MGAM: variants seen among roughly 807,000 people sequenced by gnomAD.
The protein encoded by MGAM is alpha-1,4-glucosidase.
Under a neutral mutation model 358.8 loss-of-function variants are expected in MGAM, and 253 were observed. That is an observed-to-expected ratio of 0.71 (90% CI 0.64 to 0.78). The LOEUF (loss-of-function observed/expected upper bound fraction) is 0.78. Among genes scored for constraint, MGAM ranks in the 30% least tolerant of loss-of-function variants. The probability of loss-of-function intolerance (pLI) is 0.00; values close to 1 mark genes in which losing one functional copy is unlikely to be tolerated. For missense variants in MGAM, 3,080 were observed against 3,432.6 expected (o/e 0.90, Z 2.57); for synonymous variants, 1,105 against 1,227.1 (o/e 0.90, Z 2.08).
chr7:142,102,788 C>A, intron 69 of MGAM, 109 bp downstream of exon 69: 1 of 1,081,868 alleles, frequency 9.2e-7, no homozygotes, highest in African/African-American at 1.6e-5. Context: ...GCTCATCTTG[C>A]TAATTCACAT....
upstream of MGAM, chr7:141,995,871 C>T (rs1440184384): frequency 1.3e-5 from 2 of 152,172 alleles, no homozygotes; most frequent in Admixed American, 1.3e-4. Context: ...CTGTGCTCCT[C>T]TGCTTTTATT....
intron 17 of MGAM, 45 bp downstream of exon 17, chr7:142,036,330 TA>T: frequency 7.1e-7 from 1 of 1,405,560 alleles, no homozygotes; most frequent in African/African-American, 1.4e-5. Flanking sequence ...TGGCATACAT[TA>T]GGACTAGATC....
chr7:142,057,394 G>A (rs1407932838), intron 30 of MGAM, among the ~76,000 whole-genome samples: 2 of 151,358 alleles, frequency 1.3e-5, no homozygotes, highest in East Asian at 1.9e-4. Context: ...TGACGATGGT[G>A]TTTGTGGTAG....
At chr7:142,057,224 G>A (rs1178199086) in intron 30 of MGAM, among the ~76,000 whole-genome samples, 1 of 151,964 alleles carries the variant, frequency 6.6e-6, no homozygotes, top group Non-Finnish European at 1.5e-5. Context: ...GATGATGGCA[G>A]TAGGGGCTGA....
chr7:142,086,268 G>A lies in MGAM; in HGVS notation c.6687G>A (p.Arg2229=). 6.5e-7 allele frequency: 1 copy of A among 1,544,774 alleles called. No homozygotes were observed. Among genetic ancestry groups the A allele is most frequent in the Non-Finnish European group, 8.9e-7 (1 of 1,126,298 alleles). The part of the protein sequence containing the change: ...NETQPYPAFT[R]GVEDDVFIKY... ...CACAGCCCTATCCTGCCTTCACTCGGGGCGTGGAGGATGACGTCTTCATCA... is the reference window on the plus strand; with the variant it reads ...CACAGCCCTATCCTGCCTTCACTCGAGGCGTGGAGGATGACGTCTTCATCA... The change falls in exon 56 of 71, where the codon CGG becomes CGA. Residue 2229 remains arginine, a synonymous_variant. Transcript: ENST00000475668.
At chr7:142,082,363 A>G in intron 51 of MGAM, 112 bp from the exon 52 acceptor site, 6 of 1,279,370 alleles carry the variant, frequency 4.7e-6, no homozygotes, top group Non-Finnish European at 6.5e-6. Context: ...CATGTGTTTA[A>G]TTGATTTCAT....
chr7:141,998,159 G>A (rs1211863479), intron 1 of MGAM, among the ~76,000 whole-genome samples: 1 of 152,128 alleles, frequency 6.6e-6, no homozygotes, highest in African/African-American at 2.4e-5. Context: ...AGGACAATGA[G>A]CTTTGACAAT....
intron 10 of MGAM, among the ~76,000 whole-genome samples, chr7:142,029,445 C>G (rs1554462406): frequency 6.6e-6 from 1 of 152,140 alleles, no homozygotes; most frequent in East Asian, 1.9e-4. Flanking sequence ...GCCCAGATCT[C>G]TAACATCATA....
intron 1 of MGAM, among the ~76,000 whole-genome samples, chr7:142,002,105 A>G (rs570225479): frequency 6.6e-6 from 1 of 152,286 alleles, no homozygotes; most frequent in African/African-American, 2.4e-5. Flanking sequence ...GAACTTGGGG[A>G]TAGAATAAAA....
chr7:142,008,386 T>G, intron 2 of MGAM, 120 bp from the exon 3 acceptor site: 4 of 1,053,324 alleles, frequency 3.8e-6, no homozygotes, highest in Non-Finnish European at 5.4e-6. Flanking sequence ...ATGCATAAAT[T>G]TTGAGGTCAT....
rs752489600 is a variant in MGAM, at chr7:142,067,429, A to T, written c.5004+4A>T. On this transcript the variant is annotated splice_donor_region_variant and intron_variant, in intron 42 of 70. Coordinates refer to ENST00000475668, the MANE Select transcript of MGAM (RefSeq NM_001365693.1). ...GGTCAGCCCTGTCCTGGAGCGCGTG[A>T]GTATGGAGGCCTCCGATGAGGGGAG... is the stretch of plus-strand genomic sequence containing the variant. The T allele has an allele frequency of 1.9e-6, 3 of 1,550,330 alleles. No individual in the cohort carries two copies. Among genetic ancestry groups the T allele is most frequent in the Non-Finnish European group, 2.7e-6 (3 of 1,128,506 alleles).
rs1448801035 is a variant in MGAM, at chr7:142,064,377, T to C, written c.4346-7T>C. Reference sequence around the variant, plus strand: ...TGGGTTTCACCTCGCCAGTTCTTCCTCCTCAGATTTGGAGTCCAGGGACAG... The same window carrying C: ...TGGGTTTCACCTCGCCAGTTCTTCCCCCTCAGATTTGGAGTCCAGGGACAG... On this transcript the variant is annotated splice_polypyrimidine_tract_variant and splice_region_variant and intron_variant, in intron 36 of 70. Transcript: ENST00000475668. 3 of 1,605,230 alleles carry C rather than the reference T, an allele frequency of 1.9e-6. No homozygotes were observed. Among genetic ancestry groups the C allele is most frequent in the Non-Finnish European group, 2.6e-6 (3 of 1,176,026 alleles).
chr7:142,079,893 G>A (rs1358593086), intron 49 of MGAM, among the ~76,000 whole-genome samples: 2 of 146,478 alleles, frequency 1.4e-5, no homozygotes, highest in African/African-American at 4.9e-5. Context: ...CATAGCACTA[G>A]CATGTTGTAG....
intron 40 of MGAM, among the ~76,000 whole-genome samples, chr7:142,066,321 T>C (rs190702645): frequency 6.9e-6 from 1 of 145,966 alleles, no homozygotes; most frequent in Non-Finnish European, 1.6e-5. Context: ...GATTATTATT[T>C]TTTTCCTGTA....
chr7:142,030,736 A>C lies in MGAM; in HGVS notation c.1449A>C (p.Gly483=), dbSNP rs1554463213. The C allele has an allele frequency of 6.2e-7, 1 of 1,608,752 alleles. No homozygotes were observed. Among genetic ancestry groups the C allele is most frequent in the South Asian group, 1.1e-5 (1 of 90,994 alleles). ...AGATATGGGTGAATAGTTCAGATGGAGTGACTCCACTCATTGGGGAGGTAA... is the reference window on the plus strand; with the variant it reads ...AGATATGGGTGAATAGTTCAGATGGCGTGACTCCACTCATTGGGGAGGTAA... ...DMKIWVNSSD[G]VTPLIGEVWP... Residue 483 remains glycine, a synonymous_variant, in exon 12 of 71, where the codon GGA becomes GGC. Coordinates refer to ENST00000475668, the MANE Select transcript of MGAM (RefSeq NM_001365693.1).
chr7:142,052,050 T>C (rs1811025783), intron 24 of MGAM, among the ~76,000 whole-genome samples: 1 of 152,162 alleles, frequency 6.6e-6, no homozygotes. Context: ...CAGGTTTTAT[T>C]TGACCTAACT....
upstream of MGAM, among the ~76,000 whole-genome samples, chr7:141,991,320 T>G (rs1554447279): frequency 6.6e-6 from 1 of 152,100 alleles, no homozygotes. Context: ...GAGGAAGTGG[T>G]TATTGCTATA....
At chr7:141,990,682 T>G (rs1476309072) in intron 2 of MGAM, among the ~76,000 whole-genome samples, 1 of 152,110 alleles carries the variant, frequency 6.6e-6, no homozygotes, top group Non-Finnish European at 1.5e-5. Context: ...TTTTATTTTT[T>G]ATTTTTTTAT....
chr7:142,033,147 T>G (rs771028841), intron 14 of MGAM, among the ~76,000 whole-genome samples: 2 of 152,176 alleles, frequency 1.3e-5, no homozygotes, highest in Non-Finnish European at 2.9e-5. Flanking sequence ...TCAAAGCTAT[T>G]TCTAGGGAAG....
Sources: gnomAD v4.1 joint callset for allele counts (sites outside exome capture counted in the v4.1 genomes callset) on GRCh38, gnomAD v4.1.1 for gene constraint, MANE v1.5 for transcripts, NCBI Gene and HGNC (gene_info 2026-07-23, HGNC 2026-07-21) for gene names.